Variants in ARSD observed in about 807,000 individuals in gnomAD.
ARSD encodes arylsulfatase D.
ARSD carries 21 observed loss-of-function variants against 32.6 expected under a neutral mutation model. The observed-to-expected ratio is 0.64, with a 90% confidence interval of 0.46 to 0.93. The LOEUF (loss-of-function observed/expected upper bound fraction) is 0.93, where lower values mean the gene tolerates loss of function less well. ARSD is among the 40% of genes least tolerant of loss of function. The pLI is 0.00. For synonymous variants in ARSD, 224 were observed against 237.4 expected (o/e 0.94, Z 0.52); for missense variants, 454 against 520.9 (o/e 0.87, Z 1.25).
rs746453494 is a variant in ARSD, at chrX:2,909,935, C to T, written c.1180G>A (p.Gly394Arg). The T allele has an allele frequency of 6.1e-5, 74 of 1,208,388 alleles. No individual in the cohort carries two copies. Among genetic ancestry groups the T allele is most frequent in the Non-Finnish European group, 7.9e-5 (71 of 894,910 alleles). Residue 394 changes from glycine (G) to arginine (R), a missense_variant, in exon 8 of 10, where the codon GGG becomes AGG. Physicochemically the swap from Gly to Arg is moderately radical, Grantham distance 125. Transcript: ENST00000381154. ...AGCACCCCCGGCCAGTGGAAGATCC[C>T]GGGCACGCGGATCCCACCTTCCCAT... ...GGWEGGIRVP[G>R]IFHWPGVLPA...
chrX:2,907,221 GT>G lies in ARSD; in HGVS notation c.*49del, dbSNP rs1489787458. 1 of 1,124,591 alleles carries G rather than the reference GT, an allele frequency of 8.9e-7. No individual in the cohort carries two copies. Among genetic ancestry groups the G allele is most frequent in the East Asian group, 3.0e-5 (1 of 33,161 alleles). The allele number at this position is 1,124,591 out of a possible 1,213,427, so 92.7% of individuals were successfully genotyped here. A position where few individuals can be genotyped will look rare whatever the true frequency, so the allele number is the denominator to read the frequency against. ...GATAGAACCAAGCTTGGAGAATTTTGTTTGCAACGCAGTCAGGCTCTCCTGG... is the reference window on the plus strand; with the variant it reads ...GATAGAACCAAGCTTGGAGAATTTTGTTGCAACGCAGTCAGGCTCTCCTGG... On this transcript the variant is annotated 3_prime_UTR_variant, in exon 10 of 10. Transcript: ENST00000381154.
intron 2 of ARSD, among the ~76,000 whole-genome samples, chrX:2,924,031 T>A (rs1016059166): frequency 8.9e-6 from 1 of 111,874 alleles, no homozygotes; most frequent in Non-Finnish European, 1.9e-5. Flanking sequence ...AGGGGGCAGA[T>A]TGATTGATTG....
chrX:2,912,281 A>C (rs2088908780), intron 6 of ARSD, among the ~76,000 whole-genome samples: 2 of 112,110 alleles, frequency 1.8e-5, no homozygotes, highest in South Asian at 7.5e-4. Context: ...CATAACCCAG[A>C]CATTCCCTTC....
intron 8 of ARSD, 71 bp downstream of exon 8, chrX:2,909,746 A>G: frequency 9.7e-7 from 1 of 1,034,118 alleles, no homozygotes; most frequent in South Asian, 2.6e-5. Flanking sequence ...CCAAAATCCT[A>G]TTGAAATAAA....
At chrX:2,927,980 G>A (rs151212108) in intron 1 of ARSD, among the ~76,000 whole-genome samples, 2,375 of 111,962 alleles carry the variant, frequency 0.021, 25 homozygotes, top group Middle Eastern at 0.06. Flanking sequence ...CCCACACTGT[G>A]ACGTGTCCTT....
At chrX:2,908,906 C>T in intron 8 of ARSD, 64 bp from the exon 9 acceptor site, 1 of 1,200,922 alleles carries the variant, frequency 8.3e-7, no homozygotes, top group Non-Finnish European at 1.1e-6. Flanking sequence ...CCTTTTGCAC[C>T]TGGGAACACA....
Position 2,920,656 on chromosome X carries a change from G to A in ARSD, c.384C>T (p.Asn128=), listed in dbSNP as rs746721931. The change falls in exon 4 of 10, where the codon AAC becomes AAT. Residue 128 remains asparagine, a synonymous_variant. Transcript: ENST00000381154. ...WNAGSGGLPE[N]ETTFARILQQ... ...GCAAGATTCTTGCAAAAGTGGTTTC[G>A]TTCTCAGGGAGTCCACCTGAGCCTG... 6 of 1,211,891 alleles carry A rather than the reference G, an allele frequency of 5.0e-6. No homozygotes were observed. Among genetic ancestry groups the A allele is most frequent in the Middle Eastern group, 2.3e-4 (1 of 4,355 alleles).
rs2088856973 is a variant in ARSD, at chrX:2,907,115, T to C, written c.*156A>G. On this transcript the variant is annotated 3_prime_UTR_variant, in exon 10 of 10. Coordinates refer to ENST00000381154, the MANE Select transcript of ARSD (RefSeq NM_001669.4). ...CTGAGGGACAGAGCGACACTCTGTCTCAAAAAAGAAAGAAAGAAAGAAAGA... is the reference window on the plus strand; with the variant it reads ...CTGAGGGACAGAGCGACACTCTGTCCCAAAAAAGAAAGAAAGAAAGAAAGA... The C allele has an allele frequency of 6.0e-6, 3 of 496,906 alleles. No homozygotes were observed. The South Asian group carries it at 1.1e-4, about 18-fold the overall frequency. The allele number at this position is 496,906 out of a possible 1,213,427, so 41.0% of individuals were successfully genotyped here.
chrX:2,910,637 G>T, intron 7 of ARSD, 22 bp downstream of exon 7: 2 of 1,210,809 alleles, frequency 1.7e-6, no homozygotes, highest in Non-Finnish European at 2.2e-6. Flanking sequence ...ATGCATATGT[G>T]TCCCCGATGT....
At position 2,926,449 on chromosome X, in the gene ARSD, G is replaced by C. The variant is rs1047562669; in HGVS notation, c.45-684C>G. ...CAGGAGAGGCCTGGGCAGAACTCTT[G>C]GTGTGCTTTTGTTACATCCCAGCCT... On this transcript the variant is annotated intron_variant, in intron 1 of 9. Coordinates refer to ENST00000381154, the MANE Select transcript of ARSD (RefSeq NM_001669.4). 5.3e-4 allele frequency among the ~76,000 whole-genome samples: 59 copies of C among 112,104 alleles called. 1 individual carries two copies. The highest frequency in any genetic ancestry group is 7.6e-4 in the Admixed American group (8 of 10,564).
rs746861697 is a variant in ARSD at position 2,925,464 on chromosome X, C to T, written c.194+152G>A. The T allele has an allele frequency of 5.3e-5, 30 of 571,359 alleles. No individual in the cohort carries two copies. In the South Asian group the frequency reaches 8.3e-4, roughly 16 times the overall value. 47.1% of individuals were successfully genotyped at this position (571,359 alleles called of 1,213,427 possible). A position where few individuals can be genotyped will look rare whatever the true frequency, so the allele number is the denominator to read the frequency against. On this transcript the variant is annotated intron_variant, in intron 2 of 9. Coordinates refer to ENST00000381154, the MANE Select transcript of ARSD (RefSeq NM_001669.4). ...TACATTCACCCCCTCACCGCAGTTC[C>T]GCATGGTTTAAAAGGGCCTTTTTAC...
At position 2,929,134 on chromosome X, in the gene ARSD, C is replaced by T. The variant is rs1044543399; in HGVS notation, c.44+98G>A. On this transcript the variant is annotated intron_variant, in intron 1 of 9. Transcript: ENST00000381154. Reference sequence around the variant, plus strand: ...ACACAACCACGCCCTTTACAGGGGCCCAGGCTCGCCCGGGGCGCCCCTCGC... The same window carrying T: ...ACACAACCACGCCCTTTACAGGGGCTCAGGCTCGCCCGGGGCGCCCCTCGC... 3 of 840,278 alleles carry T rather than the reference C, an allele frequency of 3.6e-6. No individual in the cohort carries two copies. In the African/African-American group the frequency reaches 6.5e-5, roughly 18 times the overall value. 69.2% of individuals were successfully genotyped at this position (840,278 alleles called of 1,213,427 possible).
rs10634744 is a variant in ARSD at position 2,907,116 on chromosome X, C to CAAAAA, written c.*150_*154dup. ...TGAGGGACAGAGCGACACTCTGTCT[C>CAAAAA]AAAAAAGAAAGAAAGAAAGAAAGAA... is the stretch of plus-strand genomic sequence containing the variant. On this transcript the variant is annotated 3_prime_UTR_variant, in exon 10 of 10. Transcript: ENST00000381154. The CAAAAA allele has an allele frequency of 4.9e-3, 2,503 of 513,216 alleles. 42 individuals carry two copies. The African/African-American group carries it at 0.05, about 10-fold the overall frequency. 42.3% of individuals were successfully genotyped at this position (513,216 alleles called of 1,213,427 possible).
chrX:2,920,379 T>A (rs1603461245), intron 4 of ARSD: 7 of 378,021 alleles, frequency 1.9e-5, no homozygotes, highest in Admixed American at 1.5e-4. Context: ...TTTTTTTTTT[T>A]TTATTCTTTG....
intron 9 of ARSD, chrX:2,907,847 T>G: frequency 1.0e-6 from 1 of 958,235 alleles, no homozygotes; most frequent in Non-Finnish European, 1.3e-6. Context: ...TTTGTGTCTC[T>G]GCATTGCATG....
At chrX:2,920,042 T>C (rs2089014067) in intron 4 of ARSD, among the ~76,000 whole-genome samples, 5 of 111,356 alleles carry the variant, frequency 4.5e-5, no homozygotes, top group Admixed American at 3.8e-4. Context: ...ACCCCTGACA[T>C]GCTGTCTGTT....
chrX:2,925,055 G>C (rs187473554), intron 2 of ARSD, among the ~76,000 whole-genome samples: 2 of 112,659 alleles, frequency 1.8e-5, no homozygotes, highest in Admixed American at 1.9e-4. Flanking sequence ...TGAAGTACCG[G>C]CGGTTAGGGC....
At chrX:2,914,389 T>G in intron 6 of ARSD, 1 of 410,418 alleles carries the variant, frequency 2.4e-6, no homozygotes, top group Non-Finnish European at 3.2e-6. Flanking sequence ...CACACCACCA[T>G]GGCTAATTTT....
At position 2,929,304 on chromosome X, in the gene ARSD, C is replaced by G; in HGVS notation, c.-29G>C. 1.0e-6 allele frequency: 1 copy of G among 961,358 alleles called. No individual in the cohort carries two copies. Among genetic ancestry groups the G allele is most frequent in the Non-Finnish European group, 1.3e-6 (1 of 770,238 alleles). The allele number at this position is 961,358 out of a possible 1,213,427, so 79.2% of individuals were successfully genotyped here. Reference sequence around the variant, plus strand: ...CGAGCGCTGGCCCAGAGCGCAGGACCTTGCCCTGCGCACTCCGCGCCCGGG... The same window carrying G: ...CGAGCGCTGGCCCAGAGCGCAGGACGTTGCCCTGCGCACTCCGCGCCCGGG... On this transcript the variant is annotated 5_prime_UTR_variant, in exon 1 of 10. Coordinates refer to ENST00000381154, the MANE Select transcript of ARSD (RefSeq NM_001669.4).
Sources: allele counts gnomAD v4.1 joint callset (sites outside exome capture counted in the v4.1 genomes callset), GRCh38; gene constraint gnomAD v4.1.1; transcripts MANE v1.5; gene names NCBI Gene and HGNC (gene_info 2026-07-23, HGNC 2026-07-21).